Variants in FRAS1 observed in about 807,000 individuals in gnomAD.
FRAS1 encodes the protein Fraser extracellular matrix complex subunit 1.
Under a neutral mutation model 435.2 loss-of-function variants are expected in FRAS1, and 290 were observed. That is an observed-to-expected ratio of 0.67 (90% CI 0.61 to 0.73). FRAS1 has a LOEUF of 0.73. FRAS1 is among the 30% of genes least tolerant of loss of function. The pLI is 0.00. For synonymous variants in FRAS1, 1,800 were observed against 1,851.0 expected (o/e 0.97, Z 0.71); for missense variants, 4,860 against 5,001.5 (o/e 0.97, Z 0.85).
intron 44 of FRAS1, among the ~76,000 whole-genome samples, chr4:78,449,485 T>C (rs908720482): frequency 2.0e-5 from 3 of 152,222 alleles, no homozygotes; most frequent in African/African-American, 4.8e-5. Flanking sequence ...GTATTATGCA[T>C]GAATAACTAG....
chr4:78,206,767 A>G (rs974607938), intron 2 of FRAS1, among the ~76,000 whole-genome samples: 6 of 152,196 alleles, frequency 3.9e-5, no homozygotes, highest in African/African-American at 1.4e-4. Context: ...AGTTGAACCC[A>G]TTTTATAGAT....
At chr4:78,133,097 C>T (rs182333557) in intron 2 of FRAS1, among the ~76,000 whole-genome samples, 1 of 152,138 alleles carries the variant, frequency 6.6e-6, no homozygotes, top group Admixed American at 6.5e-5. Flanking sequence ...AAATGCATGC[C>T]CAGATTTGGA....
chr4:78,451,889 T>A lies in FRAS1; in HGVS notation c.6581T>A (p.Leu2194Gln), dbSNP rs1401280690. The change falls in exon 46 of 74, where the codon CTA becomes CAA. Residue 2194 changes from leucine to glutamine, a missense_variant and splice_region_variant. Physicochemically the swap from Leu to Gln is moderately radical, Grantham distance 113 (BLOSUM62 -2). Coordinates refer to ENST00000512123, the MANE Select transcript of FRAS1 (RefSeq NM_025074.7). The part of the protein sequence containing the change: ...LIDKSFSISI[L>Q]EDKSPPVITT... ...GACAAGTCATTTTCCATCAGCATTC[T>A]AGGTAAAGAGACATTTGATTTTCTA... The A allele has an allele frequency of 6.2e-7, 1 of 1,610,504 alleles. No individual in the cohort carries two copies. The highest frequency in any genetic ancestry group is 2.2e-5 in the East Asian group (1 of 44,876).
In FRAS1 at chr4:78,540,700, AT is replaced by A; in HGVS notation, c.11616del (p.Asn3872LysfsTer12). ...CTTGATGATTCCCTCATCTATGACA[AT>A]GAAGGAGACCAAGTCAAGAATGGCA... ...LILDDSLIYD[N>X]EGDQVKNGTN... On this transcript the variant is annotated frameshift_variant, in exon 74 of 74. Transcript: ENST00000512123. LOFTEE classifies it high-confidence loss of function. 6.8e-6 allele frequency: 11 copies of A among 1,613,848 alleles called. No individual in the cohort carries two copies. Among genetic ancestry groups the A allele is most frequent in the Non-Finnish European group, 9.3e-6 (11 of 1,179,800 alleles).
At chr4:78,199,071 A>G (rs538120515) in intron 2 of FRAS1, among the ~76,000 whole-genome samples, 2 of 152,238 alleles carry the variant, frequency 1.3e-5, no homozygotes, top group Admixed American at 6.5e-5. Flanking sequence ...CGAGGGTCAA[A>G]TGTGTATTGA....
chr4:78,523,997 C>T (rs998404297), intron 69 of FRAS1, among the ~76,000 whole-genome samples: 2 of 152,206 alleles, frequency 1.3e-5, no homozygotes, highest in African/African-American at 4.8e-5. Flanking sequence ...CCTTGCAAAA[C>T]TAACTCCTCT....
Position 78,101,988 on chromosome 4 carries a change from C to G in FRAS1, c.108+35972C>G, listed in dbSNP as rs369248600. ...AAATAAAAGCCATTCCCCCTTAATACCTCCATATTATACTGAAGAGGCCCT... is the reference window on the plus strand; with the variant it reads ...AAATAAAAGCCATTCCCCCTTAATAGCTCCATATTATACTGAAGAGGCCCT... On this transcript the variant is annotated intron_variant, in intron 2 of 73. Coordinates refer to ENST00000512123, the MANE Select transcript of FRAS1 (RefSeq NM_025074.7). Among the ~76,000 whole-genome samples, 9 of 152,250 alleles carry G rather than the reference C, an allele frequency of 5.9e-5. No homozygotes were observed. The South Asian group carries it at 1.5e-3, about 25-fold the overall frequency.
At chr4:78,181,907 C>T (rs934069039) in intron 2 of FRAS1, 44 of 1,610,758 alleles carry the variant, frequency 2.7e-5, no homozygotes, top group Admixed American at 1.8e-4. Flanking sequence ...CCCAGGGCCC[C>T]CAACGCCACC....
chr4:78,236,387 T>C (rs189430002), intron 2 of FRAS1, among the ~76,000 whole-genome samples: 17 of 152,220 alleles, frequency 1.1e-4, no homozygotes, highest in Admixed American at 1.0e-3. Flanking sequence ...CATGGAGAAA[T>C]ACTTTAGTGA....
At chr4:78,131,896 G>C (rs1719698945) in intron 2 of FRAS1, among the ~76,000 whole-genome samples, 1 of 152,214 alleles carries the variant, frequency 6.6e-6, no homozygotes, top group Non-Finnish European at 1.5e-5. Context: ...CAAGATCTGG[G>C]TAATAGCGTC....
chr4:78,162,209 C>G (rs766185295), intron 2 of FRAS1, among the ~76,000 whole-genome samples: 1 of 152,104 alleles, frequency 6.6e-6, no homozygotes, highest in Non-Finnish European at 1.5e-5. Context: ...AGGGAGGAAA[C>G]ATAGATTTTA....
At chr4:78,338,918 G>A (rs1187879041) in intron 20 of FRAS1, among the ~76,000 whole-genome samples, 1 of 152,188 alleles carries the variant, frequency 6.6e-6, no homozygotes. Flanking sequence ...TGGTATTAAG[G>A]TCTATATCCT....
intron 2 of FRAS1, among the ~76,000 whole-genome samples, chr4:78,195,947 C>CT (rs66606732): frequency 0.019 from 2,724 of 145,924 alleles, 69 homozygotes; most frequent in African/African-American, 0.056. Flanking sequence ...ATTCTTATTA[C>CT]TTTTTTTTTT....
intron 47 of FRAS1, among the ~76,000 whole-genome samples, chr4:78,462,568 A>G (rs573901106): frequency 6.6e-6 from 1 of 152,286 alleles, no homozygotes; most frequent in East Asian, 1.9e-4. Flanking sequence ...TGACCAGTTG[A>G]TGGTGAGAAT....
chr4:78,189,792 CTT>C (rs967688796), intron 2 of FRAS1, among the ~76,000 whole-genome samples: 7 of 152,214 alleles, frequency 4.6e-5, no homozygotes, highest in African/African-American at 1.7e-4. Flanking sequence ...AAAAAGAACT[CTT>C]TATTCCATAT....
At chr4:78,397,865 A>G (rs1220947797) in intron 29 of FRAS1, among the ~76,000 whole-genome samples, 2 of 152,166 alleles carry the variant, frequency 1.3e-5, no homozygotes, top group African/African-American at 4.8e-5. Context: ...TATGGGCTGA[A>G]GTGGTCTCTC....
At chr4:78,136,076 T>C (rs1719904458) in intron 2 of FRAS1, among the ~76,000 whole-genome samples, 1 of 152,232 alleles carries the variant, frequency 6.6e-6, no homozygotes, top group East Asian at 1.9e-4. Flanking sequence ...CTATAACTCA[T>C]GGCTGAGTGA....
At chr4:78,324,708 C>CTTTTTTTTTTTTTTT (rs139942839) in intron 18 of FRAS1, among the ~76,000 whole-genome samples, 9 of 88,122 alleles carry the variant, frequency 1.0e-4, no homozygotes, top group African/African-American at 1.3e-4. Context: ...GCTCAGATTC[C>CTTTTTTTTTTTTTTT]TTTTTTTTTT....
At chr4:78,150,480 A>G (rs972697512) in intron 2 of FRAS1, among the ~76,000 whole-genome samples, 9 of 152,196 alleles carry the variant, frequency 5.9e-5, no homozygotes, top group Admixed American at 2.0e-4. Flanking sequence ...TTAAGATGTT[A>G]TCTTTTTTTG....
Sources: allele counts gnomAD v4.1 joint callset (sites outside exome capture counted in the v4.1 genomes callset), GRCh38; gene constraint gnomAD v4.1.1; transcripts MANE v1.5; gene names NCBI Gene and HGNC (gene_info 2026-07-23, HGNC 2026-07-21).